The following SMYD3 variants were observed in gnomAD, a reference collection of about 807,000 sequenced individuals.
The protein encoded by SMYD3 is SET and MYND domain containing 3.
Under a neutral mutation model 57.7 loss-of-function variants are expected in SMYD3, and 36 were observed. The observed-to-expected ratio is 0.62, with a 90% CI of 0.48 to 0.82. The LOEUF is 0.82. SMYD3 is among the 40% of genes least tolerant of loss of function. The pLI is 0.00. For synonymous variants in SMYD3, 211 were observed against 195.0 expected (o/e 1.08, Z -0.68); for missense variants, 515 against 538.8 (o/e 0.96, Z 0.44).
chr1:245,791,952 TTGTGTGTGTGTG>T (rs59018021), intron 10 of SMYD3, among the ~76,000 whole-genome samples: 5 of 146,136 alleles, frequency 3.4e-5, no homozygotes, highest in African/African-American at 1.0e-4. Context: ...AATTTTAAAC[TTGTGTGTGTGTG>T]TGTGTGTGTG....
chr1:245,943,209 GTTTTT>G (rs58081595), intron 5 of SMYD3, among the ~76,000 whole-genome samples: 16 of 115,358 alleles, frequency 1.4e-4, no homozygotes, highest in African/African-American at 4.7e-4. Flanking sequence ...CAGGGGCTGA[GTTTTT>G]TTTTTTTTTT....
chr1:246,061,799 C>T (rs985455430), intron 5 of SMYD3, among the ~76,000 whole-genome samples: 2 of 152,110 alleles, frequency 1.3e-5, no homozygotes, highest in African/African-American at 2.4e-5. Context: ...GTGAAAGAAG[C>T]TTTTGATTCG....
chr1:246,032,849 C>T (rs2059702303), intron 5 of SMYD3, among the ~76,000 whole-genome samples: 1 of 152,142 alleles, frequency 6.6e-6, no homozygotes, highest in South Asian at 2.1e-4. Flanking sequence ...AGAGTTCAGG[C>T]AGACATGGGT....
At chr1:245,972,949 C>T (rs927571514) in intron 5 of SMYD3, among the ~76,000 whole-genome samples, 7 of 152,208 alleles carry the variant, frequency 4.6e-5, no homozygotes, top group African/African-American at 1.4e-4. Context: ...CCTTTGCCAA[C>T]AGTGTTTTTC....
intron 5 of SMYD3, among the ~76,000 whole-genome samples, chr1:246,231,439 A>T (rs531646521): frequency 6.6e-6 from 1 of 152,336 alleles, no homozygotes; most frequent in South Asian, 2.1e-4. Context: ...GTAATATAAC[A>T]AATTTTATGC....
At chr1:246,361,401 CTAAAAG>C (rs935922016) in intron 1 of SMYD3, among the ~76,000 whole-genome samples, 2 of 152,132 alleles carry the variant, frequency 1.3e-5, no homozygotes, top group African/African-American at 4.8e-5. Flanking sequence ...TCCTAAAGAA[CTAAAAG>C]TAAATCTACC....
chr1:246,462,921 G>C (rs1190602684), intron 1 of SMYD3, among the ~76,000 whole-genome samples: 1 of 152,116 alleles, frequency 6.6e-6, no homozygotes, highest in African/African-American at 2.4e-5. Flanking sequence ...TCACATCTAA[G>C]AGGCTGTGGC....
intron 5 of SMYD3, among the ~76,000 whole-genome samples, chr1:245,974,529 G>C (rs1257187619): frequency 1.1e-5 from 1 of 89,348 alleles, no homozygotes; most frequent in East Asian, 4.0e-4. Context: ...CATCGTCTCC[G>C]GCCCAGGGAA....
intron 5 of SMYD3, among the ~76,000 whole-genome samples, chr1:246,086,823 C>A (rs868736384): frequency 2.6e-5 from 4 of 151,974 alleles, no homozygotes; most frequent in Middle Eastern, 3.2e-3. Flanking sequence ...CCTATCAATC[C>A]ATCACCTAGG....
chr1:246,130,421 C>T (rs930033072), intron 5 of SMYD3, among the ~76,000 whole-genome samples: 1 of 152,148 alleles, frequency 6.6e-6, no homozygotes, highest in African/African-American at 2.4e-5. Context: ...CTGTCTCTCA[C>T]AGGAAGACCA....
At chr1:246,079,079 C>T (rs2060595315) in intron 5 of SMYD3, among the ~76,000 whole-genome samples, 1 of 151,666 alleles carries the variant, frequency 6.6e-6, no homozygotes, top group Admixed American at 6.6e-5. Context: ...TAAATGGCTT[C>T]TCCATAGGCA....
At chr1:246,150,254 A>G (rs1317852488) in intron 5 of SMYD3, among the ~76,000 whole-genome samples, 1 of 152,210 alleles carries the variant, frequency 6.6e-6, no homozygotes, top group Non-Finnish European at 1.5e-5. Context: ...TGTACTATAG[A>G]CTATAATATT....
chr1:245,954,759 T>TTCTTC (rs1350178686), intron 5 of SMYD3, among the ~76,000 whole-genome samples: 2 of 152,222 alleles, frequency 1.3e-5, no homozygotes, highest in African/African-American at 2.4e-5. Context: ...CACTCTCACA[T>TTCTTC]TCAGCCCTTT....
intron 1 of SMYD3, among the ~76,000 whole-genome samples, chr1:246,485,519 C>T (rs2068172488): frequency 6.6e-6 from 1 of 152,150 alleles, no homozygotes; most frequent in Non-Finnish European, 1.5e-5. Context: ...CGGCGGCTCA[C>T]ACTTATAATT....
intron 5 of SMYD3, among the ~76,000 whole-genome samples, chr1:246,271,350 G>A (rs2064218594): frequency 6.6e-6 from 1 of 151,918 alleles, no homozygotes; most frequent in Non-Finnish European, 1.5e-5. Context: ...TGTTCCTTTG[G>A]TGTCATTCCC....
At chr1:246,012,526 C>T (rs2059302306) in intron 5 of SMYD3, among the ~76,000 whole-genome samples, 2 of 152,156 alleles carry the variant, frequency 1.3e-5, no homozygotes, top group Non-Finnish European at 2.9e-5. Flanking sequence ...TTCCAGGAGG[C>T]ATTAACAGTT....
chr1:245,881,720 A>G (rs961728493), intron 8 of SMYD3, among the ~76,000 whole-genome samples: 2 of 152,240 alleles, frequency 1.3e-5, no homozygotes, highest in African/African-American at 4.8e-5. Context: ...TCATGGAAAT[A>G]AAGGCATTGC....
chr1:246,049,378 G>A (rs1317090541), intron 5 of SMYD3, among the ~76,000 whole-genome samples: 2 of 151,976 alleles, frequency 1.3e-5, no homozygotes, highest in Admixed American at 6.6e-5. Flanking sequence ...CTCACTGCAA[G>A]CTCTGCCTCC....
intron 10 of SMYD3, among the ~76,000 whole-genome samples, chr1:245,795,807 T>C (rs1385290069): frequency 1.3e-5 from 2 of 152,130 alleles, no homozygotes; most frequent in African/African-American, 4.8e-5. Flanking sequence ...TTGTCCCCTC[T>C]CTCCCTAAAT....
Sources: gnomAD v4.1 joint callset for allele counts (sites outside exome capture counted in the v4.1 genomes callset) on GRCh38, gnomAD v4.1.1 for gene constraint, MANE v1.5 for transcripts, NCBI Gene and HGNC (gene_info 2026-07-23, HGNC 2026-07-21) for gene names.